MSRA: variants seen among roughly 807,000 people sequenced by gnomAD.
MSRA encodes methionine sulfoxide reductase A.
A neutral mutation model predicts 31.3 loss-of-function variants in MSRA; 54 were observed. The ratio of observed to expected loss-of-function variants is 1.73; its 90% CI spans 1.39 to 2.17. The LOEUF (loss-of-function observed/expected upper bound fraction) is 2.17, where lower values mean the gene tolerates loss of function less well. Among genes scored for constraint, MSRA ranks in the 30% most tolerant of loss-of-function variants. The pLI, the probability that MSRA is intolerant of heterozygous loss-of-function variation, is 0.00. For missense variants in MSRA, 507 were observed against 300.9 expected, an observed-to-expected ratio of 1.69 and a Z score of -5.07; for synonymous variants, 169 against 116.5, an observed-to-expected ratio of 1.45 and a Z score of -2.90.
At chr8:10,422,803 T>C (rs1326952857) in intron 5 of MSRA, among the ~76,000 whole-genome samples, 2 of 152,176 alleles carry the variant, frequency 1.3e-5, no homozygotes, top group African/African-American at 4.8e-5. Context: ...AGGCAGGCCC[T>C]GGGGTTGAGC....
chr8:10,236,742 T>A (rs1811976590), intron 2 of MSRA, among the ~76,000 whole-genome samples: 1 of 152,094 alleles, frequency 6.6e-6, no homozygotes, highest in African/African-American at 2.4e-5. Flanking sequence ...GATGGGGTTT[T>A]ACTATGTTGG....
chr8:10,080,183 C>A (rs564551981), intron 1 of MSRA, among the ~76,000 whole-genome samples: 3 of 152,156 alleles, frequency 2.0e-5, no homozygotes, highest in Non-Finnish European at 2.9e-5. Context: ...AATACAGTTA[C>A]GACATTCTCT....
At chr8:10,250,914 C>G (rs1159704312) in intron 3 of MSRA, 2 of 154,050 alleles carry the variant, frequency 1.3e-5, no homozygotes, top group African/African-American at 4.8e-5. Flanking sequence ...AAAATTGTTG[C>G]AAATCTGAGT....
intron 1 of MSRA, among the ~76,000 whole-genome samples, chr8:10,058,598 A>G (rs1802526318): frequency 6.6e-6 from 1 of 152,324 alleles, no homozygotes; most frequent in South Asian, 2.1e-4. Flanking sequence ...AGAGCAGATA[A>G]TTCCAGAGCA....
At chr8:10,279,599 C>G (rs941607907) in intron 3 of MSRA, among the ~76,000 whole-genome samples, 10 of 152,126 alleles carry the variant, frequency 6.6e-5, no homozygotes, top group African/African-American at 2.2e-4. Flanking sequence ...CATCCCCACC[C>G]CTAGCAAGGT....
At chr8:10,404,354 G>A (rs573488993) in intron 5 of MSRA, among the ~76,000 whole-genome samples, 4 of 152,270 alleles carry the variant, frequency 2.6e-5, no homozygotes, top group East Asian at 1.9e-4. Flanking sequence ...CGTGACAAAC[G>A]ACAGTCAAGC....
intron 1 of MSRA, among the ~76,000 whole-genome samples, chr8:10,080,002 C>T (rs964655953): frequency 2.0e-5 from 3 of 152,214 alleles, no homozygotes; most frequent in East Asian, 1.9e-4. Flanking sequence ...CACTTTCTCT[C>T]TTCCCGTCAA....
At chr8:10,173,965 A>G (rs1346113571) in intron 1 of MSRA, among the ~76,000 whole-genome samples, 1 of 152,118 alleles carries the variant, frequency 6.6e-6, no homozygotes, top group Non-Finnish European at 1.5e-5. Context: ...ATCCACATTG[A>G]GGTGGGTGGG....
At chr8:10,318,527 A>T (rs180933588) in intron 4 of MSRA, among the ~76,000 whole-genome samples, 2 of 152,350 alleles carry the variant, frequency 1.3e-5, no homozygotes, top group African/African-American at 4.8e-5. Flanking sequence ...GAGGAAAGAC[A>T]TATAGGAGTT....
intron 5 of MSRA, among the ~76,000 whole-genome samples, chr8:10,331,218 T>C (rs1008742853): frequency 2.6e-5 from 4 of 152,206 alleles, no homozygotes; most frequent in Non-Finnish European, 5.9e-5. Flanking sequence ...TACTTTGTTA[T>C]GGCAGCCCGA....
At chr8:10,394,382 C>T (rs1806964290) in intron 5 of MSRA, among the ~76,000 whole-genome samples, 1 of 152,182 alleles carries the variant, frequency 6.6e-6, no homozygotes, top group African/African-American at 2.4e-5. Context: ...CCCACCCCAG[C>T]TTTTCTTTAT....
At chr8:10,156,285 G>A (rs1804147123) in intron 1 of MSRA, among the ~76,000 whole-genome samples, 1 of 152,204 alleles carries the variant, frequency 6.6e-6, no homozygotes, top group African/African-American at 2.4e-5. Flanking sequence ...TATGTTGGAT[G>A]ATGGTATTGA....
intron 3 of MSRA, among the ~76,000 whole-genome samples, chr8:10,271,460 A>G (rs1376087776): frequency 6.6e-6 from 1 of 152,282 alleles, no homozygotes; most frequent in African/African-American, 2.4e-5. Flanking sequence ...GGGGAAAAAT[A>G]ACTTTAAAAA....
chr8:10,256,226 C>T (rs767083959), intron 3 of MSRA, among the ~76,000 whole-genome samples: 9 of 152,194 alleles, frequency 5.9e-5, no homozygotes, highest in Non-Finnish European at 1.3e-4. Context: ...ATCACACAGC[C>T]TATGTCCTTT....
At chr8:10,148,759 A>G (rs917618803) in intron 1 of MSRA, among the ~76,000 whole-genome samples, 2 of 149,942 alleles carry the variant, frequency 1.3e-5, no homozygotes, top group East Asian at 2.0e-4. Context: ...CCAAGATCTC[A>G]TTACTGCACT....
chr8:10,112,378 C>A (rs1376802052), intron 1 of MSRA, among the ~76,000 whole-genome samples: 1 of 152,208 alleles, frequency 6.6e-6, no homozygotes, highest in Non-Finnish European at 1.5e-5. Flanking sequence ...TAGAAGGCTA[C>A]CTCTCTCACA....
At chr8:10,137,093 T>A (rs897288180) in intron 1 of MSRA, among the ~76,000 whole-genome samples, 4 of 152,202 alleles carry the variant, frequency 2.6e-5, no homozygotes, top group Non-Finnish European at 5.9e-5. Context: ...AGATCCTTGT[T>A]GTGTTCTGAA....
chr8:10,155,394 C>T (rs372552587), intron 1 of MSRA, among the ~76,000 whole-genome samples: 1 of 152,202 alleles, frequency 6.6e-6, no homozygotes, highest in Non-Finnish European at 1.5e-5. Context: ...CACGCTCTCT[C>T]TCTCACTGTT....
At chr8:10,083,865 A>T (rs1054018127) in intron 1 of MSRA, among the ~76,000 whole-genome samples, 2 of 152,150 alleles carry the variant, frequency 1.3e-5, no homozygotes, top group African/African-American at 4.8e-5. Flanking sequence ...CTTAATTTTA[A>T]TTTTAAAATA....
Sources: gnomAD v4.1 joint callset for allele counts (sites outside exome capture counted in the v4.1 genomes callset) on GRCh38, gnomAD v4.1.1 for gene constraint, MANE v1.5 for transcripts, NCBI Gene and HGNC (gene_info 2026-07-23, HGNC 2026-07-21) for gene names.